Variants in SPPL2A observed in about 807,000 individuals in gnomAD.
SPPL2A encodes the protein signal peptide peptidase like 2A.
In SPPL2A, 51 loss-of-function variants were observed where a neutral mutation model predicts 63.8. That is an observed-to-expected ratio of 0.80 (90% confidence interval 0.64 to 1.01). SPPL2A has a LOEUF of 1.01. SPPL2A is among the 50% of genes least tolerant of loss of function. The pLI is 0.00. For missense variants in SPPL2A, 553 were observed against 622.7 expected, an observed-to-expected ratio of 0.89 and a Z score of 1.19; for synonymous variants, 188 against 205.8, an observed-to-expected ratio of 0.91 and a Z score of 0.74.
rs145022649 is a variant in SPPL2A at position 50,725,736 on chromosome 15, T to C, written c.1147-413A>G. On this transcript the variant is annotated intron_variant, in intron 11 of 14. Transcript: ENST00000261854. Reference sequence around the variant, plus strand: ...ATGAGCCACCGTGCCTGGCCACCCATATCTTCTAGAAATGGAATGATTAAC... The same window carrying C: ...ATGAGCCACCGTGCCTGGCCACCCACATCTTCTAGAAATGGAATGATTAAC... Among the ~76,000 whole-genome samples the C allele has an allele frequency of 1.6e-4, 24 of 152,322 alleles. No homozygotes were observed. The East Asian group carries it at 4.6e-3, about 29-fold the overall frequency.
intron 13 of SPPL2A, 97 bp downstream of exon 13, chr15:50,722,027 C>T: frequency 2.9e-6 from 2 of 691,518 alleles, no homozygotes; most frequent in African/African-American, 1.8e-5. Flanking sequence ...GGTGAACCAC[C>T]ATGCCCAAAC....
intron 5 of SPPL2A, among the ~76,000 whole-genome samples, chr15:50,745,043 T>C (rs2141048307): frequency 6.6e-6 from 1 of 152,376 alleles, no homozygotes; most frequent in East Asian, 1.9e-4. Context: ...TGCATTTTAC[T>C]TTCTGGTGTA....
In SPPL2A at chr15:50,765,585, C is replaced by G; in HGVS notation, c.-52G>C. The stretch of plus-strand genomic sequence containing the variant: ...GCACGGTGCGGCGCAGCTCACTCGG[C>G]GGGGTAGGCTCGGAGTCCCGCCGCT... On this transcript the variant is annotated 5_prime_UTR_variant, in exon 1 of 15. Transcript: ENST00000261854. The G allele has an allele frequency of 7.9e-7, 1 of 1,265,720 alleles. No homozygotes were observed. The highest frequency in any genetic ancestry group is 1.0e-6 in the Non-Finnish European group (1 of 979,708). The allele number at this position is 1,265,720 out of a possible 1,614,324, so 78.4% of individuals were successfully genotyped here.
rs773414030 is a variant in SPPL2A, at chr15:50,707,898, G to C, written c.1489-24C>G. The C allele has an allele frequency of 4.1e-5, 56 of 1,377,348 alleles. No homozygotes were observed. In the East Asian group the frequency reaches 1.1e-3, roughly 26 times the overall value. 85.3% of individuals were successfully genotyped at this position (1,377,348 alleles called of 1,614,324 possible). A position where few individuals can be genotyped will look rare whatever the true frequency, so the allele number is the denominator to read the frequency against. Reference sequence around the variant, plus strand: ...ATCTAGGCATAAATAAAAGACGTTAGGAAATGCAAAATTTCAACTTGCCCC... The same window carrying C: ...ATCTAGGCATAAATAAAAGACGTTACGAAATGCAAAATTTCAACTTGCCCC... On this transcript the variant is annotated intron_variant, in intron 14 of 14. Coordinates refer to ENST00000261854, the MANE Select transcript of SPPL2A (RefSeq NM_032802.4).
intron 14 of SPPL2A, among the ~76,000 whole-genome samples, chr15:50,709,174 C>T (rs969128519): frequency 6.6e-6 from 1 of 152,092 alleles, no homozygotes; most frequent in African/African-American, 2.4e-5. Context: ...GTTTCAGCAA[C>T]TCAAATACAA....
In SPPL2A at chr15:50,712,683, T is replaced by TCCC. The variant is rs1478400047; in HGVS notation, c.1489-4810_1489-4809insGGG. On this transcript the variant is annotated intron_variant, in intron 14 of 14. Transcript: ENST00000261854. Reference sequence around the variant, plus strand: ...TTCCTCCCTCCCTCCCCCCCCCTTTTTTTTTTTTTTTCTCGAGGCGGAGTC... The same window carrying TCCC: ...TTCCTCCCTCCCTCCCCCCCCCTTTTCCCTTTTTTTTTTTCTCGAGGCGGAGTC... Among the ~76,000 whole-genome samples, 12 of 123,386 alleles carry TCCC rather than the reference T, an allele frequency of 9.7e-5. 1 individual carries two copies. The highest frequency in any genetic ancestry group is 4.4e-3 in the Middle Eastern group (1 of 226). The allele number at this position is 123,386 out of a possible 152,430, so 80.9% of individuals were successfully genotyped here.
intron 14 of SPPL2A, among the ~76,000 whole-genome samples, chr15:50,717,672 C>T (rs553472674): frequency 1.3e-5 from 2 of 152,188 alleles, no homozygotes; most frequent in South Asian, 2.1e-4. Context: ...ACCCTCTACT[C>T]AGCATTATAG....
chr15:50,747,760 T>G (rs1327072323), intron 4 of SPPL2A, 132 bp from the exon 5 acceptor site: 2 of 659,282 alleles, frequency 3.0e-6, no homozygotes, highest in Admixed American at 6.2e-5. Flanking sequence ...AATTATTGTC[T>G]GATGACATGA....
At position 50,720,484 on chromosome 15, in the gene SPPL2A, G is replaced by C. The variant is rs2062636355; in HGVS notation, c.1328-384C>G. Among the ~76,000 whole-genome samples, 3 of 148,482 alleles carry C rather than the reference G, an allele frequency of 2.0e-5. 1 individual carries two copies. The East Asian group carries it at 6.1e-4, about 30-fold the overall frequency. On this transcript the variant is annotated intron_variant, in intron 13 of 14. Transcript: ENST00000261854. ...CTAACACTGATTACATACTTCCTAA[G>C]CTTTGTTAATAAGCACATACTTTTG...
chr15:50,724,951 A>G (rs775002442), intron 12 of SPPL2A, among the ~76,000 whole-genome samples: 1 of 152,240 alleles, frequency 6.6e-6, no homozygotes, highest in Non-Finnish European at 1.5e-5. Flanking sequence ...AGTCACAAAT[A>G]TACTTTCTTG....
intron 1 of SPPL2A, chr15:50,764,695 C>T (rs527315408): frequency 6.6e-6 from 1 of 152,216 alleles, no homozygotes; most frequent in Non-Finnish European, 1.5e-5. Flanking sequence ...CACTCCCACA[C>T]TGAAGCTCGA....
intron 2 of SPPL2A, among the ~76,000 whole-genome samples, chr15:50,749,234 T>C (rs537430882): frequency 6.6e-6 from 1 of 152,306 alleles, no homozygotes; most frequent in Non-Finnish European, 1.5e-5. Context: ...CCTCCCATCT[T>C]GACATCCCAA....
chr15:50,708,909 C>T (rs1285401766), intron 14 of SPPL2A, among the ~76,000 whole-genome samples: 4 of 151,492 alleles, frequency 2.6e-5, no homozygotes, highest in South Asian at 2.1e-4. Flanking sequence ...TGGTGGCAAG[C>T]GCCTGTAGTC....
intron 8 of SPPL2A, among the ~76,000 whole-genome samples, 157 bp from the exon 9 acceptor site, chr15:50,732,841 T>C (rs1390962645): frequency 1.3e-5 from 2 of 151,774 alleles, no homozygotes; most frequent in African/African-American, 2.4e-5. Context: ...CAGGCTGGAG[T>C]GCAGTGGCAT....
chr15:50,763,846 C>T (rs1343077799), intron 1 of SPPL2A, among the ~76,000 whole-genome samples: 3 of 152,016 alleles, frequency 2.0e-5, no homozygotes, highest in South Asian at 2.1e-4. Flanking sequence ...TGCAGTGAGC[C>T]GAGATCGCGC....
Position 50,706,389 on chromosome 15 carries a change from C to CAAAAAAAAAAAAAAAAAA in SPPL2A, c.*1393_*1410dup, listed in dbSNP as rs71127124. ...TGGGCGACAGAGCGAGACTCCGTCTCAAAAAAAAAAAAAAAAAAAAAAAGA... is the reference window on the plus strand; with the variant it reads ...TGGGCGACAGAGCGAGACTCCGTCTCAAAAAAAAAAAAAAAAAAAAAAAAAAAAAAAAAAAAAAAAAGA... On this transcript the variant is annotated 3_prime_UTR_variant, in exon 15 of 15. Transcript: ENST00000261854. The CAAAAAAAAAAAAAAAAAA allele has an allele frequency of 2.2e-5, 1 of 45,032 alleles. No homozygotes were observed. 2.8% of individuals were successfully genotyped at this position (45,032 alleles called of 1,614,324 possible).
intron 1 of SPPL2A, among the ~76,000 whole-genome samples, chr15:50,757,050 C>T (rs1471083403): frequency 6.6e-6 from 1 of 151,030 alleles, no homozygotes; most frequent in Non-Finnish European, 1.5e-5. Flanking sequence ...TCAAGTTCCT[C>T]TAATAACCAA....
chr15:50,726,758 T>G (rs1188552488), intron 10 of SPPL2A, among the ~76,000 whole-genome samples: 1 of 152,218 alleles, frequency 6.6e-6, no homozygotes, highest in Non-Finnish European at 1.5e-5. Context: ...CTTAGCAGTT[T>G]TCAGTAATGT....
chr15:50,702,712 CATA>C lies in SPPL2A; in HGVS notation c.*5085_*5087del, dbSNP rs1191354152. ...CTTTTTATGCCTAATCAAAGAACCA[CATA>C]ATGACATTTTGTGGGTTGCTCCTTA... On this transcript the variant is annotated 3_prime_UTR_variant, in exon 15 of 15. Transcript: ENST00000261854. 1 of 152,160 alleles carries C rather than the reference CATA, an allele frequency of 6.6e-6. No individual in the cohort carries two copies. The highest frequency in any genetic ancestry group is 2.4e-5 in the African/African-American group (1 of 41,448). 9.4% of individuals were successfully genotyped at this position (152,160 alleles called of 1,614,324 possible).
Sources: allele counts gnomAD v4.1 joint callset (sites outside exome capture counted in the v4.1 genomes callset), GRCh38; gene constraint gnomAD v4.1.1; transcripts MANE v1.5; gene names NCBI Gene and HGNC (gene_info 2026-07-23, HGNC 2026-07-21).